The following LRRC42 variants were observed in gnomAD, a reference collection of about 807,000 sequenced individuals.
LRRC42 encodes the protein leucine rich repeat containing 42.
A neutral mutation model predicts 44.3 loss-of-function variants in LRRC42; 43 were observed. The observed-to-expected ratio is 0.97, with a 90% CI of 0.76 to 1.25. The LOEUF (loss-of-function observed/expected upper bound fraction) is 1.25, where lower values mean the gene tolerates loss of function less well. Among genes scored for constraint, LRRC42 ranks in the 50% most tolerant of loss-of-function variants. The pLI is 0.00. For synonymous variants in LRRC42, 207 were observed against 195.2 expected (o/e 1.06, Z -0.50); for missense variants, 540 against 509.1 (o/e 1.06, Z -0.58).
chr1:53,958,049 C>G, intron 3 of LRRC42, 100 bp from the exon 4 acceptor site: 2 of 1,490,370 alleles, frequency 1.3e-6, no homozygotes, highest in Non-Finnish European at 9.2e-7. Flanking sequence ...GTACTGTGTC[C>G]TGATGGGATG....
In LRRC42 at chr1:53,966,269, A is replaced by G. The variant is rs75845100; in HGVS notation, c.928-27A>G. ...ATTAAAATCTCAATATTTTGTTTGG[A>G]TTCAAATCTTTCCAAATATGTTTCA... On this transcript the variant is annotated intron_variant, in intron 7 of 8. Transcript: ENST00000371370. The G allele has an allele frequency of 1.7e-3, 2,691 of 1,580,856 alleles. 45 individuals carry two copies. In the African/African-American group the frequency reaches 0.032, roughly 19 times the overall value.
In LRRC42 at chr1:53,952,216, A is replaced by G. The variant is rs374997015; in HGVS notation, c.217A>G (p.Ile73Val). 12 of 1,614,118 alleles carry G rather than the reference A, an allele frequency of 7.4e-6. No homozygotes were observed. The highest frequency in any genetic ancestry group is 1.0e-5 in the Non-Finnish European group (12 of 1,180,042). Residue 73 changes from isoleucine (I) to valine (V), a missense_variant, in exon 3 of 9, where the codon ATC (isoleucine) becomes GTC (valine). Ile to Val is a conservative substitution (Grantham distance 29). Coordinates refer to ENST00000371370, the MANE Select transcript of LRRC42 (RefSeq NM_001256409.2). Reference sequence around the variant, plus strand: ...ACGGAAAGAGAAGACTGATCATTTCATCTTCACATACACCCGAGAGGGGAA... The same window carrying G: ...ACGGAAAGAGAAGACTGATCATTTCGTCTTCACATACACCCGAGAGGGGAA... ...TARKEKTDHFIFTYTREGNLR... is the reference protein window; with the variant it reads ...TARKEKTDHFVFTYTREGNLR...
At chr1:53,949,533 G>A (rs1389814077) in intron 2 of LRRC42, among the ~76,000 whole-genome samples, 7 of 152,194 alleles carry the variant, frequency 4.6e-5, no homozygotes, top group African/African-American at 1.7e-4. Flanking sequence ...AAATGACAGG[G>A]ATAAAGACCA....
chr1:53,959,189 A>G lies in LRRC42; in HGVS notation c.605+909A>G, dbSNP rs72662401. On this transcript the variant is annotated intron_variant, in intron 4 of 8. Transcript: ENST00000371370. ...AGTTTATTCTAGCAAGGGATGAGAC[A>G]TTATACCATAGTCAACAATCATTAT... Among the ~76,000 whole-genome samples the G allele has an allele frequency of 5.3e-3, 808 of 152,370 alleles. 7 individuals carry two copies. The highest frequency in any genetic ancestry group is 9.4e-3 in the Non-Finnish European group (639 of 68,040).
At chr1:53,958,044 G>T in intron 3 of LRRC42, 105 bp from the exon 4 acceptor site, 1 of 1,448,056 alleles carries the variant, frequency 6.9e-7, no homozygotes. Flanking sequence ...CCATAGTACT[G>T]TGTCCTGATG....
At chr1:53,961,997 T>C in intron 5 of LRRC42, 37 bp from the exon 6 acceptor site, 1 of 1,441,426 alleles carries the variant, frequency 6.9e-7, no homozygotes, top group Non-Finnish European at 9.7e-7. Context: ...ACAGCATTTA[T>C]ATTGTGACAG....
At position 53,952,297 on chromosome 1, in the gene LRRC42, A is replaced by G. The variant is rs1293975394; in HGVS notation, c.298A>G (p.Asn100Asp). 1 of 1,614,226 alleles carries G rather than the reference A, an allele frequency of 6.2e-7. No individual in the cohort carries two copies. The highest frequency in any genetic ancestry group is 1.1e-5 in the South Asian group (1 of 91,090). ...FSLVLGFISD[N>D]VDHIDSLIGF... ...CCTTGTCCTGGGTTTCATCTCCGACAATGTGGATCACATTGATTCCCTTAT... is the reference window on the plus strand; with the variant it reads ...CCTTGTCCTGGGTTTCATCTCCGACGATGTGGATCACATTGATTCCCTTAT... Residue 100 changes from asparagine to aspartate, a missense_variant, in exon 3 of 9, where the codon AAT becomes GAT. Asn to Asp is a conservative substitution (Grantham distance 23, BLOSUM62 1). Transcript: ENST00000371370.
chr1:53,957,891 C>A (rs1252181096), intron 3 of LRRC42, among the ~76,000 whole-genome samples: 1 of 151,512 alleles, frequency 6.6e-6, no homozygotes, highest in Non-Finnish European at 1.5e-5. Context: ...TTGTGACTTT[C>A]CTTTGCTAAT....
At chr1:53,948,321 G>A (rs2100914350) in intron 2 of LRRC42, among the ~76,000 whole-genome samples, 1 of 152,210 alleles carries the variant, frequency 6.6e-6, no homozygotes, top group East Asian at 1.9e-4. Flanking sequence ...CATGCTTTTT[G>A]CTTGGGAAAC....
At chr1:53,954,552 A>C (rs1654779741) in intron 3 of LRRC42, among the ~76,000 whole-genome samples, 1 of 152,238 alleles carries the variant, frequency 6.6e-6, no homozygotes, top group African/African-American at 2.4e-5. Context: ...GAATGCATAA[A>C]ATTGTAGTAT....
chr1:53,959,595 G>A (rs182119021), intron 4 of LRRC42, among the ~76,000 whole-genome samples: 3 of 152,346 alleles, frequency 2.0e-5, no homozygotes, highest in East Asian at 3.9e-4. Context: ...CTTAGCATCA[G>A]ATGGATTGGA....
At chr1:53,966,916 G>C (rs1318334393) in intron 8 of LRRC42, among the ~76,000 whole-genome samples, 1 of 151,958 alleles carries the variant, frequency 6.6e-6, no homozygotes, top group Non-Finnish European at 1.5e-5. Context: ...AATGGTGGTT[G>C]TGACTAGGGA....
rs1248520355 is a variant in LRRC42, at chr1:53,958,143, C to T, written c.474-6C>T. 2.5e-6 allele frequency: 4 copies of T among 1,613,314 alleles called. No individual in the cohort carries two copies. Among genetic ancestry groups the T allele is most frequent in the Non-Finnish European group, 3.4e-6 (4 of 1,179,610 alleles). On this transcript the variant is annotated splice_region_variant and splice_polypyrimidine_tract_variant and intron_variant, in intron 3 of 8. Transcript: ENST00000371370. ...GAAGCTATTGATTGCTCTCCACGCT[C>T]CGTAGGTATCTCGTGATTTCAGAAA...
At chr1:53,964,438 C>T (rs1381497794) in intron 7 of LRRC42, among the ~76,000 whole-genome samples, 1 of 152,154 alleles carries the variant, frequency 6.6e-6, no homozygotes, top group Non-Finnish European at 1.5e-5. Context: ...TGTAAATCTC[C>T]ACCTGCCACC....
chr1:53,960,421 C>G lies in LRRC42; in HGVS notation c.671C>G (p.Pro224Arg). ...GCTGGGGTGCGGAAGATGACAGCAC[C>G]AGTTCGAGTGATGAAAAGAGGCCTT... is the stretch of plus-strand genomic sequence containing the variant. Reference protein sequence around the residue: ...SDAGVRKMTAPVRVMKRGLEN... With the variant: ...SDAGVRKMTARVRVMKRGLEN... The change falls in exon 5 of 9, where the codon CCA becomes CGA. Residue 224 changes from proline (P) to arginine (R), a missense_variant. Physicochemically the swap from Pro to Arg is moderately radical, Grantham distance 103. Transcript: ENST00000371370. 9 of 1,613,914 alleles carry G rather than the reference C, an allele frequency of 5.6e-6. No individual in the cohort carries two copies. The highest frequency in any genetic ancestry group is 7.6e-6 in the Non-Finnish European group (9 of 1,179,948).
At chr1:53,966,994 A>G (rs1462561489) in intron 8 of LRRC42, among the ~76,000 whole-genome samples, 9 of 152,184 alleles carry the variant, frequency 5.9e-5, no homozygotes, top group Middle Eastern at 6.3e-3. Flanking sequence ...TTTGTACAAG[A>G]TAAAAAGAGT....
intron 2 of LRRC42, among the ~76,000 whole-genome samples, 182 bp from the exon 3 acceptor site, chr1:53,951,804 T>G (rs1654688842): frequency 6.6e-6 from 1 of 152,114 alleles, no homozygotes; most frequent in Non-Finnish European, 1.5e-5. Context: ...GCATTCCAGG[T>G]AGCGGCAATA....
intron 4 of LRRC42, among the ~76,000 whole-genome samples, chr1:53,959,720 T>C (rs1011331165): frequency 1.3e-5 from 2 of 152,236 alleles, no homozygotes; most frequent in Admixed American, 6.5e-5. Context: ...TAGCAGACTT[T>C]CCTGACATAG....
chr1:53,964,888 G>C (rs1655086053), intron 7 of LRRC42, among the ~76,000 whole-genome samples: 1 of 152,044 alleles, frequency 6.6e-6, no homozygotes, highest in Non-Finnish European at 1.5e-5. Context: ...GTTTCACCAT[G>C]TTGCCCAGGC....
Sources: gnomAD v4.1 joint callset for allele counts (sites outside exome capture counted in the v4.1 genomes callset) on GRCh38, gnomAD v4.1.1 for gene constraint, MANE v1.5 for transcripts, NCBI Gene and HGNC (gene_info 2026-07-23, HGNC 2026-07-21) for gene names.